The following BRS3 variants were observed in gnomAD, a reference collection of about 807,000 sequenced individuals.
The protein encoded by BRS3 is bombesin receptor subtype-3.
Under a neutral mutation model 18.8 loss-of-function variants are expected in BRS3, and 5 were observed. The observed-to-expected ratio is 0.27, with a 90% CI of 0.14 to 0.56. BRS3 has a LOEUF of 0.56. Ranked by LOEUF, BRS3 falls within the 20% of genes least tolerant of loss-of-function variation. The probability of loss-of-function intolerance (pLI) is 0.93; values close to 1 mark genes in which losing one functional copy is unlikely to be tolerated. For synonymous variants in BRS3, 121 were observed against 115.0 expected, an observed-to-expected ratio of 1.05 and a Z score of -0.33; for missense variants, 215 against 296.3, an observed-to-expected ratio of 0.73 and a Z score of 2.01.
Position 136,488,546 on chromosome X carries a change from C to T in BRS3, c.432C>T (p.Asp144=). ...SVFTLTILSA[D]RYKAVVKPLE... ...TCACATTAACAATTCTCAGCGCTGA[C>T]AGGTGAGTTTCTTTTCTCCATTATA... is the stretch of plus-strand genomic sequence containing the variant. The change falls in exon 1 of 3, where the codon GAC becomes GAT. Residue 144 remains aspartate (D), a splice_region_variant and synonymous_variant. Coordinates refer to ENST00000370648, the MANE Select transcript of BRS3 (RefSeq NM_001727.2). The T allele has an allele frequency of 8.4e-7, 1 of 1,195,479 alleles. No individual in the cohort carries two copies. The highest frequency in any genetic ancestry group is 3.0e-5 in the East Asian group (1 of 33,633).
In BRS3 at chrX:136,492,360, A is replaced by C. The variant is rs747156038; in HGVS notation, c.1185A>C (p.Ala395=). The C allele has an allele frequency of 8.3e-7, 1 of 1,206,275 alleles. No individual in the cohort carries two copies. The highest frequency in any genetic ancestry group is 2.2e-5 in the Admixed American group (1 of 45,725). Reference sequence around the variant, plus strand: ...TCACTGGGTGTAGTGTGAAGCAGGCAGAGGACAGATTCTAGCTTTTCAAGG... The same window carrying C: ...TCACTGGGTGTAGTGTGAAGCAGGCCGAGGACAGATTCTAGCTTTTCAAGG... ...TSFTGCSVKQ[A]EDRF is the part of the protein sequence containing the mutation. Residue 395 remains alanine, a synonymous_variant, in exon 3 of 3, where the codon GCA becomes GCC. Coordinates refer to ENST00000370648, the MANE Select transcript of BRS3 (RefSeq NM_001727.2).
At position 136,492,663 on chromosome X, in the gene BRS3, CAAG is replaced by C; in HGVS notation, c.*290_*292del. The C allele has an allele frequency of 4.1e-6, 1 of 242,809 alleles. No individual in the cohort carries two copies. 20.0% of individuals were successfully genotyped at this position (242,809 alleles called of 1,213,427 possible). On this transcript the variant is annotated 3_prime_UTR_variant, in exon 3 of 3. Transcript: ENST00000370648. ...CAAATGGGAAGGAAGGTGTAATAAACAAGATGAAACTTAAAAATCTCATTTGTT... is the reference window on the plus strand; with the variant it reads ...CAAATGGGAAGGAAGGTGTAATAAACATGAAACTTAAAAATCTCATTTGTT...
intron 1 of BRS3, among the ~76,000 whole-genome samples, chrX:136,489,454 T>G (rs959330137): frequency 7.2e-5 from 8 of 111,739 alleles, no homozygotes; most frequent in Non-Finnish European, 1.3e-4. Context: ...ATTTTTGCTT[T>G]GACTGGTCTT....
rs1603305414 is a variant in BRS3 at position 136,492,112 on chromosome X, A to G, written c.937A>G (p.Ile313Val). ...DPSAMHFIFT[I>V]FSRVLAFSNS... Reference sequence around the variant, plus strand: ...CTCTGCCATGCATTTCATTTTCACCATTTTCTCTCGGGTTTTGGCTTTCAG... The same window carrying G: ...CTCTGCCATGCATTTCATTTTCACCGTTTTCTCTCGGGTTTTGGCTTTCAG... The change falls in exon 3 of 3, where the codon ATT (isoleucine) becomes GTT (valine). Residue 313 changes from isoleucine to valine, a missense_variant. Physicochemically the swap from Ile to Val is conservative, Grantham distance 29. Transcript: ENST00000370648. 1 of 1,204,668 alleles carries G rather than the reference A, an allele frequency of 8.3e-7. No homozygotes were observed.
In BRS3 at chrX:136,493,408, T is replaced by C. The variant is rs1171817345; in HGVS notation, c.*1033T>C. On this transcript the variant is annotated 3_prime_UTR_variant, in exon 3 of 3. Transcript: ENST00000370648. ...CCTACCTGCTAACATCATTCACTTG[T>C]TAATAATTATTGTTTTAAAAAAAAA... 9.0e-6 allele frequency: 1 copy of C among 111,612 alleles called. No homozygotes were observed. Among genetic ancestry groups the C allele is most frequent in the Non-Finnish European group, 1.9e-5 (1 of 53,149 alleles). 9.2% of individuals were successfully genotyped at this position (111,612 alleles called of 1,213,427 possible).
chrX:136,491,896 T>G, intron 2 of BRS3, 66 bp from the exon 3 acceptor site: 5 of 931,300 alleles, frequency 5.4e-6, no homozygotes, highest in Non-Finnish European at 6.9e-6. Flanking sequence ...GTTTTTTTTG[T>G]TGTTGTTGTT....
intron 2 of BRS3, 39 bp from the exon 3 acceptor site, chrX:136,491,913 GTTTTTTTTTT>G (rs754593042): frequency 9.8e-5 from 43 of 436,913 alleles, no homozygotes; most frequent in South Asian, 1.1e-4. Flanking sequence ...TGTTTTTTGT[GTTTTTTTTTT>G]TTTTTTTTTT....
chrX:136,491,752 A>G (rs1039787462), intron 2 of BRS3, among the ~76,000 whole-genome samples: 11 of 111,115 alleles, frequency 9.9e-5, no homozygotes, highest in African/African-American at 3.3e-4. Flanking sequence ...ATATAGTCAC[A>G]GGCTGACTTC....
chrX:136,491,551 G>A (rs1342661248), intron 2 of BRS3, among the ~76,000 whole-genome samples: 1 of 112,668 alleles, frequency 8.9e-6, no homozygotes, highest in Non-Finnish European at 1.9e-5. Flanking sequence ...AGCTTCTGCT[G>A]ATGCAGTGAA....
chrX:136,490,633 C>A (rs1056320259), intron 2 of BRS3, 149 bp downstream of exon 2: 8 of 422,534 alleles, frequency 1.9e-5, no homozygotes, highest in Non-Finnish European at 2.6e-5. Flanking sequence ...CGGTTTGAAT[C>A]CCAGTTCTAT....
chrX:136,491,911 G>GTGTTTTTTTTTTTT, intron 2 of BRS3, 51 bp from the exon 3 acceptor site: 1 of 600,601 alleles, frequency 1.7e-6, no homozygotes, highest in Non-Finnish European at 2.0e-6. Context: ...GTTGTTTTTT[G>GTGTTTTTTTTTTTT]TGTTTTTTTT....
At position 136,492,312 on chromosome X, in the gene BRS3, G is replaced by A; in HGVS notation, c.1137G>A (p.Met379Ile). The A allele has an allele frequency of 1.7e-6, 2 of 1,211,550 alleles. No homozygotes were observed. The highest frequency in any genetic ancestry group is 3.0e-5 in the East Asian group (1 of 33,853). The change falls in exon 3 of 3, where the codon ATG becomes ATA. Residue 379 changes from methionine (M) to isoleucine (I), a missense_variant. Met to Ile is a conservative substitution (Grantham distance 10). Coordinates refer to ENST00000370648, the MANE Select transcript of BRS3 (RefSeq NM_001727.2). The part of the protein sequence containing the change: ...GTVPGTGSIQ[M>I]SEISVTSFTG... ...TCCCGGGCACTGGGAGCATACAGATGTCTGAAATTAGTGTGACCTCGTTCA... is the reference window on the plus strand; with the variant it reads ...TCCCGGGCACTGGGAGCATACAGATATCTGAAATTAGTGTGACCTCGTTCA...
intron 2 of BRS3, 102 bp from the exon 3 acceptor site, chrX:136,491,860 T>A (rs2075669720): frequency 2.3e-6 from 2 of 882,384 alleles, no homozygotes; most frequent in East Asian, 7.4e-5. Context: ...GATAACTTTT[T>A]AAAATCTCTC....
chrX:136,490,808 T>A (rs777494907), intron 2 of BRS3, among the ~76,000 whole-genome samples: 2 of 112,087 alleles, frequency 1.8e-5, no homozygotes, highest in Non-Finnish European at 3.8e-5. Context: ...GAGGGGACAA[T>A]TGAAGTTTGA....
At chrX:136,489,421 A>G (rs765438320) in intron 1 of BRS3, among the ~76,000 whole-genome samples, 3 of 111,519 alleles carry the variant, frequency 2.7e-5, no homozygotes, top group Non-Finnish European at 5.6e-5. Context: ...GAGGAGGAAA[A>G]CCTTTCCCTG....
In BRS3 at chrX:136,492,297, T is replaced by C; in HGVS notation, c.1122T>C (p.Thr374=). 1 of 1,211,514 alleles carries C rather than the reference T, an allele frequency of 8.3e-7. No homozygotes were observed. Among genetic ancestry groups the C allele is most frequent in the Non-Finnish European group, 1.1e-6 (1 of 895,388 alleles). Residue 374 remains threonine, a synonymous_variant, in exon 3 of 3, where the codon ACT becomes ACC. Coordinates refer to ENST00000370648, the MANE Select transcript of BRS3 (RefSeq NM_001727.2). ...CTGTGATGGGAACGGTCCCGGGCACTGGGAGCATACAGATGTCTGAAATTA... is the reference window on the plus strand; with the variant it reads ...CTGTGATGGGAACGGTCCCGGGCACCGGGAGCATACAGATGTCTGAAATTA... ...TLAVMGTVPG[T]GSIQMSEISV...
intron 1 of BRS3, among the ~76,000 whole-genome samples, chrX:136,489,800 C>T: frequency 9.0e-6 from 1 of 111,032 alleles, no homozygotes; most frequent in East Asian, 2.8e-4. Flanking sequence ...TAAGGTAATA[C>T]ACAGGTGGTG....
intron 2 of BRS3, 47 bp from the exon 3 acceptor site, chrX:136,491,911 GTGTT>G: frequency 3.3e-6 from 2 of 600,593 alleles, no homozygotes; most frequent in East Asian, 5.8e-5. Context: ...GTTGTTTTTT[GTGTT>G]TTTTTTTTTT....
chrX:136,492,560 C>T lies in BRS3; in HGVS notation c.*185C>T, dbSNP rs1319179724. The stretch of plus-strand genomic sequence containing the variant: ...TTCAAAGTACAAATAGTAATGTCAT[C>T]GGGCTTTCTAAATAAAATGAAGCCC... On this transcript the variant is annotated 3_prime_UTR_variant, in exon 3 of 3. Transcript: ENST00000370648. 1.3e-5 allele frequency: 5 copies of T among 387,473 alleles called. No homozygotes were observed. The highest frequency in any genetic ancestry group is 1.1e-4 in the South Asian group (1 of 8,855). 31.9% of individuals were successfully genotyped at this position (387,473 alleles called of 1,213,427 possible). A position where few individuals can be genotyped will look rare whatever the true frequency, so the allele number is the denominator to read the frequency against.
Sources: allele counts gnomAD v4.1 joint callset (sites outside exome capture counted in the v4.1 genomes callset), GRCh38; gene constraint gnomAD v4.1.1; transcripts MANE v1.5; gene names NCBI Gene and HGNC (gene_info 2026-07-23, HGNC 2026-07-21).